SLC17A1: variants seen among roughly 807,000 people sequenced by gnomAD.
SLC17A1 encodes sodium-dependent phosphate transport protein 1.
In SLC17A1, 51 loss-of-function variants were observed where a neutral mutation model predicts 53.5. The ratio of observed to expected loss-of-function variants is 0.95; its 90% CI spans 0.76 to 1.20. The LOEUF (loss-of-function observed/expected upper bound fraction) is 1.20, where lower values mean the gene tolerates loss of function less well. Among genes scored for constraint, SLC17A1 ranks in the 50% most tolerant of loss-of-function variants. The pLI is 0.00. For synonymous variants in SLC17A1, 179 were observed against 198.8 expected, an observed-to-expected ratio of 0.90 and a Z score of 0.84; for missense variants, 538 against 568.2, an observed-to-expected ratio of 0.95 and a Z score of 0.54.
At chr6:25,776,720 T>C in the SLC17A1 span, 1 of 1,613,968 alleles carries the variant, frequency 6.2e-7, no homozygotes, top group Non-Finnish European at 8.5e-7. Flanking sequence ...AACTCTTCAC[T>C]GCCATTGGTA....
the SLC17A1 span, among the ~76,000 whole-genome samples, chr6:25,752,398 A>T: frequency 2.0e-5 from 3 of 152,356 alleles, no homozygotes; most frequent in South Asian, 6.2e-4. Context: ...CTTATCATAA[A>T]TGGAGCTTGT....
At chr6:25,807,736 G>A (rs144612327) in intron 10 of SLC17A1, among the ~76,000 whole-genome samples, 28 of 152,108 alleles carry the variant, frequency 1.8e-4, no homozygotes, top group African/African-American at 6.0e-4. Context: ...TGAGTTACAA[G>A]TTACTTTGCT....
chr6:25,756,393 G>T, the SLC17A1 span, among the ~76,000 whole-genome samples: 1 of 152,110 alleles, frequency 6.6e-6, no homozygotes, highest in African/African-American at 2.4e-5. Context: ...CTAGGTAAGT[G>T]GTTAGACTAG....
the SLC17A1 span, among the ~76,000 whole-genome samples, chr6:25,748,345 C>G: frequency 6.6e-6 from 1 of 152,014 alleles, no homozygotes; most frequent in Non-Finnish European, 1.5e-5. Flanking sequence ...CAGGAGAACA[C>G]AAAAAGATTG....
At chr6:25,726,775 C>T in the SLC17A1 span, 45 of 1,185,388 alleles carry the variant, frequency 3.8e-5, no homozygotes, top group Middle Eastern at 2.5e-4. Context: ...TCCTCCAGTT[C>T]TGTTTGTTTA....
the SLC17A1 span, among the ~76,000 whole-genome samples, chr6:25,727,688 C>T: frequency 6.6e-6 from 1 of 151,918 alleles, no homozygotes; most frequent in Non-Finnish European, 1.5e-5. Flanking sequence ...CGAATATATC[C>T]AAATCAGCTG....
At chr6:25,751,547 G>T in the SLC17A1 span, among the ~76,000 whole-genome samples, 1 of 152,158 alleles carries the variant, frequency 6.6e-6, no homozygotes, top group Non-Finnish European at 1.5e-5. Context: ...TTTTACTTCT[G>T]CCATGAGACC....
chr6:25,801,391 A>C (rs1470956872), intron 10 of SLC17A1, among the ~76,000 whole-genome samples: 1 of 152,230 alleles, frequency 6.6e-6, no homozygotes, highest in African/African-American at 2.4e-5. Context: ...AATTGCTTCC[A>C]ATACTCAGGC....
chr6:25,810,083 C>T (rs767063418), intron 10 of SLC17A1, among the ~76,000 whole-genome samples: 3 of 152,074 alleles, frequency 2.0e-5, no homozygotes, highest in East Asian at 1.9e-4. Context: ...TGGAATTACA[C>T]TCATCGCGTG....
the SLC17A1 span, chr6:25,773,770 C>T: frequency 0.018 from 25,366 of 1,375,990 alleles, 1,332 homozygotes; most frequent in African/African-American, 0.18. Flanking sequence ...GTCACAAAAT[C>T]GGGGGATTAG....
chr6:25,815,760 A>C (rs1764329746), intron 6 of SLC17A1, among the ~76,000 whole-genome samples: 4 of 152,134 alleles, frequency 2.6e-5, no homozygotes, highest in Admixed American at 2.6e-4. Flanking sequence ...TTCCACCTGG[A>C]GAGCATATTG....
chr6:25,734,534 G>GCTA, the SLC17A1 span, among the ~76,000 whole-genome samples: 1 of 152,146 alleles, frequency 6.6e-6, no homozygotes, highest in Admixed American at 6.5e-5. Context: ...AAGAAGGCAT[G>GCTA]CTACTAAGTG....
chr6:25,779,255 C>T, downstream of SLC17A1: 2 of 1,590,654 alleles, frequency 1.3e-6, no homozygotes, highest in East Asian at 2.2e-5. Context: ...AGACATTTCT[C>T]TTTCATGCCT....
chr6:25,776,832 A>T, the SLC17A1 span: 2 of 1,613,846 alleles, frequency 1.2e-6, no homozygotes, highest in Non-Finnish European at 8.5e-7. Flanking sequence ...CCCATCCGTG[A>T]TCCTCGTGTC....
chr6:25,727,433 C>T, the SLC17A1 span: 2 of 713,028 alleles, frequency 2.8e-6, no homozygotes, highest in East Asian at 2.9e-5. Flanking sequence ...TCTCACTCTC[C>T]CAGGCTGGAG....
At chr6:25,770,070 C>G in the SLC17A1 span, 1 of 1,613,688 alleles carries the variant, frequency 6.2e-7, no homozygotes, top group Non-Finnish European at 8.5e-7. Context: ...CATCTAGGCC[C>G]CTGCATATGA....
chr6:25,730,746 T>A, the SLC17A1 span, among the ~76,000 whole-genome samples: 1 of 152,234 alleles, frequency 6.6e-6, no homozygotes, highest in Non-Finnish European at 1.5e-5. Flanking sequence ...TACACAATTT[T>A]TGTCAATTTA....
At chr6:25,746,658 T>C in the SLC17A1 span, among the ~76,000 whole-genome samples, 4 of 152,338 alleles carry the variant, frequency 2.6e-5, no homozygotes, top group South Asian at 2.1e-4. Context: ...TTATTAAGCA[T>C]AGAATTTAGC....
At chr6:25,756,656 C>T in the SLC17A1 span, among the ~76,000 whole-genome samples, 4 of 152,108 alleles carry the variant, frequency 2.6e-5, no homozygotes, top group African/African-American at 9.7e-5. Context: ...TCGCCTGTTA[C>T]TGAAAAAACT....
Sources: gnomAD v4.1 joint callset for allele counts (sites outside exome capture counted in the v4.1 genomes callset) on GRCh38, gnomAD v4.1.1 for gene constraint, MANE v1.5 for transcripts, NCBI Gene and HGNC (gene_info 2026-07-23, HGNC 2026-07-21) for gene names.